GRM8: variants seen among roughly 807,000 people sequenced by gnomAD.
GRM8 encodes metabotropic glutamate receptor 8.
A neutral mutation model predicts 87.2 loss-of-function variants in GRM8; 47 were observed. The ratio of observed to expected loss-of-function variants is 0.54; its 90% CI spans 0.43 to 0.69. The LOEUF (loss-of-function observed/expected upper bound fraction) is 0.69. Ranked by LOEUF, GRM8 falls within the 30% of genes least tolerant of loss-of-function variation. The pLI, the probability that GRM8 is intolerant of heterozygous loss-of-function variation, is 0.00. For missense variants in GRM8, 1,019 were observed against 1,139.2 expected (o/e 0.89, Z 1.52); for synonymous variants, 396 against 404.5 (o/e 0.98, Z 0.25).
chr7:126,694,030 T>C (rs1032333430), intron 7 of GRM8, among the ~76,000 whole-genome samples: 3 of 152,002 alleles, frequency 2.0e-5, no homozygotes, highest in Admixed American at 2.0e-4. Flanking sequence ...ATATTCAACG[T>C]ATTAAACGTT....
At chr7:126,572,989 T>A (rs547751841) in intron 8 of GRM8, among the ~76,000 whole-genome samples, 1 of 152,174 alleles carries the variant, frequency 6.6e-6, no homozygotes, top group Admixed American at 6.6e-5. Context: ...AACATTAAAA[T>A]TTTTTAAATC....
At chr7:127,012,256 C>T (rs1484417496) in intron 3 of GRM8, among the ~76,000 whole-genome samples, 16 of 152,066 alleles carry the variant, frequency 1.1e-4, no homozygotes, top group African/African-American at 2.2e-4. Context: ...CTGACAAGAT[C>T]GATTTCTACT....
chr7:127,085,339 C>T (rs1473004975), intron 3 of GRM8, among the ~76,000 whole-genome samples: 4 of 152,172 alleles, frequency 2.6e-5, no homozygotes, highest in African/African-American at 4.8e-5. Flanking sequence ...GTAATGGGAT[C>T]GCTGGGTCAA....
At chr7:127,001,632 T>C (rs181043245) in intron 3 of GRM8, among the ~76,000 whole-genome samples, 2 of 151,818 alleles carry the variant, frequency 1.3e-5, no homozygotes, top group East Asian at 3.9e-4. Flanking sequence ...ATATTGCCAC[T>C]ACTTTGTAAA....
intron 3 of GRM8, among the ~76,000 whole-genome samples, chr7:127,041,646 C>T (rs1818440904): frequency 1.3e-5 from 2 of 152,172 alleles, no homozygotes; most frequent in Admixed American, 6.5e-5. Context: ...AGGAAACAGA[C>T]TTTATTCCAG....
At chr7:126,982,434 G>A (rs946123076) in intron 3 of GRM8, among the ~76,000 whole-genome samples, 7 of 151,932 alleles carry the variant, frequency 4.6e-5, no homozygotes, top group African/African-American at 7.3e-5. Flanking sequence ...ACCTATACAC[G>A]TCTCCTGAGA....
At chr7:127,159,736 ACAC>A (rs1792976503) in intron 2 of GRM8, among the ~76,000 whole-genome samples, 1 of 152,210 alleles carries the variant, frequency 6.6e-6, no homozygotes, top group South Asian at 2.1e-4. Context: ...ATGAAGCTTT[ACAC>A]TGTTTTTCAT....
At chr7:126,883,751 A>C (rs1800230685) in intron 6 of GRM8, among the ~76,000 whole-genome samples, 1 of 152,156 alleles carries the variant, frequency 6.6e-6, no homozygotes, top group Non-Finnish European at 1.5e-5. Context: ...GAGACAGACT[A>C]AACTTTTTAA....
intron 9 of GRM8, among the ~76,000 whole-genome samples, chr7:126,517,337 G>T (rs1056398883): frequency 6.6e-6 from 1 of 152,060 alleles, no homozygotes; most frequent in African/African-American, 2.4e-5. Context: ...ACCAACAAAC[G>T]AGTAAGAAGA....
intron 9 of GRM8, among the ~76,000 whole-genome samples, chr7:126,448,378 T>C (rs538909399): frequency 6.6e-6 from 1 of 152,046 alleles, no homozygotes; most frequent in Admixed American, 6.6e-5. Context: ...GTCCAAATAG[T>C]ATAAAAATAT....
At chr7:127,147,350 C>G (rs149877536) in intron 2 of GRM8, among the ~76,000 whole-genome samples, 29 of 152,126 alleles carry the variant, frequency 1.9e-4, no homozygotes, top group African/African-American at 7.0e-4. Flanking sequence ...CTGACAGGCC[C>G]CACTGATAGA....
intron 6 of GRM8, among the ~76,000 whole-genome samples, chr7:126,860,992 C>G (rs570619738): frequency 4.6e-5 from 7 of 152,160 alleles, no homozygotes; most frequent in Non-Finnish European, 7.4e-5. Context: ...GTGACTCCCA[C>G]AATCACTGTA....
intron 6 of GRM8, among the ~76,000 whole-genome samples, chr7:126,862,324 ATATCT>A (rs1260130276): frequency 6.6e-6 from 1 of 151,918 alleles, no homozygotes; most frequent in Non-Finnish European, 1.5e-5. Context: ...TAATAACTAG[ATATCT>A]TATAGGCATG....
At chr7:126,738,269 G>A (rs1481836239) in intron 7 of GRM8, among the ~76,000 whole-genome samples, 1 of 152,092 alleles carries the variant, frequency 6.6e-6, no homozygotes, top group Non-Finnish European at 1.5e-5. Flanking sequence ...CAAGAGGAAA[G>A]TATGATGATA....
chr7:126,729,144 A>G (rs1341616800), intron 7 of GRM8, among the ~76,000 whole-genome samples: 13 of 152,086 alleles, frequency 8.5e-5, no homozygotes, highest in Admixed American at 8.5e-4. Context: ...TCAGCTAGCT[A>G]TTCACCCTCC....
chr7:126,936,385 A>T (rs1317079497), intron 3 of GRM8, among the ~76,000 whole-genome samples: 1 of 152,160 alleles, frequency 6.6e-6, no homozygotes, highest in Non-Finnish European at 1.5e-5. Context: ...CCACGACTCC[A>T]GTCATGTTTT....
chr7:127,170,735 T>C (rs1186303724), intron 2 of GRM8, among the ~76,000 whole-genome samples: 1 of 152,072 alleles, frequency 6.6e-6, no homozygotes, highest in Non-Finnish European at 1.5e-5. Context: ...TGAAGTTAAG[T>C]CAGGAATGGA....
chr7:126,855,847 G>A (rs1797631896), intron 6 of GRM8, among the ~76,000 whole-genome samples: 1 of 152,176 alleles, frequency 6.6e-6, no homozygotes, highest in East Asian at 1.9e-4. Flanking sequence ...GAAGTGAACT[G>A]CCAGCAATCA....
At chr7:126,928,777 C>T (rs1186598755) in intron 3 of GRM8, among the ~76,000 whole-genome samples, 1 of 151,696 alleles carries the variant, frequency 6.6e-6, no homozygotes, top group African/African-American at 2.4e-5. Flanking sequence ...ATATGGATAC[C>T]ATCTTTGACA....
Sources: gnomAD v4.1 joint callset for allele counts (sites outside exome capture counted in the v4.1 genomes callset) on GRCh38, gnomAD v4.1.1 for gene constraint, MANE v1.5 for transcripts, NCBI Gene and HGNC (gene_info 2026-07-23, HGNC 2026-07-21) for gene names.